TEP1: variants seen among roughly 807,000 people sequenced by gnomAD.
The protein encoded by TEP1 is telomerase associated protein 1.
In TEP1, 241 loss-of-function variants were observed where a neutral mutation model predicts 306.3. That is an observed-to-expected ratio of 0.79 (90% CI 0.71 to 0.88). The LOEUF (loss-of-function observed/expected upper bound fraction) is 0.88, where lower values mean the gene tolerates loss of function less well. Among genes scored for constraint, TEP1 ranks in the 40% least tolerant of loss-of-function variants. The pLI is 0.00. For missense variants in TEP1, 3,051 were observed against 3,276.1 expected, an observed-to-expected ratio of 0.93 and a Z score of 1.68; for synonymous variants, 1,289 against 1,305.5, an observed-to-expected ratio of 0.99 and a Z score of 0.27.
chr14:20,401,174 C>A, intron 8 of TEP1, 33 bp from the exon 9 acceptor site: 1 of 1,608,932 alleles, frequency 6.2e-7, no homozygotes, highest in Non-Finnish European at 8.5e-7. Context: ...TCTATCATTT[C>A]AGAGTCAGCA....
In TEP1 at chr14:20,383,160, G is replaced by A; in HGVS notation, c.4047+14C>T. 2 of 1,578,604 alleles carry A rather than the reference G, an allele frequency of 1.3e-6. No homozygotes were observed. The highest frequency in any genetic ancestry group is 2.4e-5 in the South Asian group (2 of 84,858). On this transcript the variant is annotated intron_variant, in intron 27 of 54. Coordinates refer to ENST00000262715, the MANE Select transcript of TEP1 (RefSeq NM_007110.5). ...TCACCCCACACACCCACCGGCCCCG[G>A]CCTAGAACCCAACCTGGTTGTTAAA...
intron 1 of TEP1, among the ~76,000 whole-genome samples, chr14:20,409,446 C>T (rs546408828): frequency 1.2e-3 from 179 of 152,286 alleles, no homozygotes; most frequent in Non-Finnish European, 2.2e-3. Flanking sequence ...TATTCCTGGA[C>T]CTAGATCTCC....
In TEP1 at chr14:20,409,814, A is replaced by G. The variant is rs1009175006; in HGVS notation, c.-24-1351T>C. Among the ~76,000 whole-genome samples, 4 of 151,956 alleles carry G rather than the reference A, an allele frequency of 2.6e-5. No homozygotes were observed. In the East Asian group the frequency reaches 7.7e-4, roughly 29 times the overall value. ...GGCGGGCGGATCACAAGGTCAGGAG[A>G]TCGAGACCATCCTGGCTAACACAGT... On this transcript the variant is annotated intron_variant, in intron 1 of 54. Transcript: ENST00000262715.
intron 9 of TEP1, among the ~76,000 whole-genome samples, chr14:20,398,178 G>A (rs1210411499): frequency 6.6e-6 from 1 of 151,902 alleles, no homozygotes; most frequent in Admixed American, 6.6e-5. Context: ...AGGAGATCAA[G>A]ACCATCCTCG....
intron 10 of TEP1, 93 bp from the exon 11 acceptor site, chr14:20,396,042 A>C: frequency 1.2e-6 from 1 of 831,188 alleles, no homozygotes; most frequent in Non-Finnish European, 1.9e-6. Flanking sequence ...GGGAAGGTAC[A>C]GAAGGACAAA....
chr14:20,380,010 C>A lies in TEP1; in HGVS notation c.5047G>T (p.Ala1683Ser), dbSNP rs780285369. 3 of 1,614,056 alleles carry A rather than the reference C, an allele frequency of 1.9e-6. No individual in the cohort carries two copies. Among genetic ancestry groups the A allele is most frequent in the Non-Finnish European group, 2.5e-6 (3 of 1,180,016 alleles). ...LAVSSSPTAV[A>S]FSTNGQRAAV... is the part of the protein sequence containing the mutation. The stretch of plus-strand genomic sequence containing the variant: ...GCTCTTTGCCCATTGGTGGAGAAGG[C>A]CACAGCAGTAGGGGATGAGGAAACT... The change falls in exon 35 of 55, where the codon GCC becomes TCC. Residue 1683 changes from alanine (A) to serine (S), a missense_variant. By Grantham distance (99) the Ala-to-Ser change is moderately conservative. Coordinates refer to ENST00000262715, the MANE Select transcript of TEP1 (RefSeq NM_007110.5).
At position 20,401,072 on chromosome 14, in the gene TEP1, C is replaced by T; in HGVS notation, c.1461G>A (p.Gly487=). Residue 487 remains glycine (G), a synonymous_variant, in exon 9 of 55, where the codon GGG becomes GGA. Transcript: ENST00000262715. ...LPGPWDSSRA[G]KRMKLSRPET... is the part of the protein sequence containing the mutation. ...CTGGCCTAGACAGCTTCATCCTCTT[C>T]CCAGCTCTGCTAGAATCCCAAGGCC... The T allele has an allele frequency of 6.2e-7, 1 of 1,614,228 alleles. No individual in the cohort carries two copies.
At chr14:20,389,571 T>C (rs1453959890) in intron 16 of TEP1, 39 bp downstream of exon 16, 1 of 1,608,984 alleles carries the variant, frequency 6.2e-7, no homozygotes, top group South Asian at 1.1e-5. Flanking sequence ...TGTAGACCAC[T>C]GATTTCTGAC....
At chr14:20,409,837 AG>A in intron 1 of TEP1, among the ~76,000 whole-genome samples, 1 of 151,920 alleles carries the variant, frequency 6.6e-6, no homozygotes, top group East Asian at 1.9e-4. Flanking sequence ...TGGCTAACAC[AG>A]TGAAACCCCA....
intron 5 of TEP1, among the ~76,000 whole-genome samples, chr14:20,404,396 AT>A (rs11385254): frequency 6.8e-6 from 1 of 147,628 alleles, no homozygotes; most frequent in East Asian, 2.0e-4. Flanking sequence ...GAATAAGACC[AT>A]TTTTTTTTCT....
chr14:20,372,789 C>CT lies in TEP1; in HGVS notation c.7019dup (p.Lys2341GlufsTer41). On this transcript the variant is annotated frameshift_variant, in exon 49 of 55. Coordinates refer to ENST00000262715, the MANE Select transcript of TEP1 (RefSeq NM_007110.5). LOFTEE classifies it high-confidence loss of function. ...GTTTCACTTGCCACTCGCTGATTTT[C>CT]TCATCAGCACTGAGGACAAAAAAGG... 1.9e-6 allele frequency: 3 copies of CT among 1,614,164 alleles called. No individual in the cohort carries two copies. The African/African-American group carries it at 4.0e-5, about 22-fold the overall frequency.
intron 33 of TEP1, 141 bp downstream of exon 33, chr14:20,380,790 T>C: frequency 4.0e-6 from 3 of 752,196 alleles, no homozygotes; most frequent in Non-Finnish European, 6.5e-6. Flanking sequence ...CTCACCCTCT[T>C]GGCATTTTCA....
chr14:20,390,044 C>G (rs113888026), intron 15 of TEP1, among the ~76,000 whole-genome samples: 3 of 152,066 alleles, frequency 2.0e-5, no homozygotes, highest in African/African-American at 7.2e-5. Flanking sequence ...AAATTGTATA[C>G]ATTTAAAAAA....
chr14:20,410,431 CT>C (rs988405059), intron 1 of TEP1, among the ~76,000 whole-genome samples: 2 of 150,514 alleles, frequency 1.3e-5, no homozygotes, highest in Admixed American at 6.6e-5. Flanking sequence ...AGTGAGACTC[CT>C]TTTTTTTTGA....
rs1387944935 is a variant in TEP1 at position 20,401,496 on chromosome 14, T to G, written c.1352A>C (p.His451Pro). 2.5e-6 allele frequency: 4 copies of G among 1,614,168 alleles called. No individual in the cohort carries two copies. The highest frequency in any genetic ancestry group is 2.5e-6 in the Non-Finnish European group (3 of 1,180,036). ...LKKLVQRLHI[H>P]KPAQHVQALL... The stretch of plus-strand genomic sequence containing the variant: ...GGCTTGAACGTGCTGGGCAGGCTTG[T>G]GGATGTGCAGTCGCTGAACCAGCTT... The change falls in exon 8 of 55, where the codon CAC becomes CCC. Residue 451 changes from histidine to proline, a missense_variant. Around this residue, in one of 3 missense-constraint regions of TEP1, gnomAD observed 1,507 missense variants for 1,550.5 expected, o/e 0.97. Transcript: ENST00000262715.
intron 37 of TEP1, 68 bp downstream of exon 37, chr14:20,378,686 G>A: frequency 1.3e-6 from 2 of 1,589,590 alleles, no homozygotes; most frequent in East Asian, 2.2e-5. Context: ...GCCGCACTGA[G>A]AGAACAAATT....
chr14:20,371,285 A>C lies in TEP1; in HGVS notation c.7250T>G (p.Leu2417Trp). The change falls in exon 51 of 55, where the codon TTG becomes TGG. Residue 2417 changes from leucine to tryptophan, a missense_variant. Physicochemically the swap from Leu to Trp is moderately conservative, Grantham distance 61. Transcript: ENST00000262715. ...WSSYTENPMI[L>W]STHKEYGIFV... ...TATGCCATACTCCTTGTGGGTGGAC[A>C]ATATCATAGGATTTTCTGTATAGCT... The C allele has an allele frequency of 6.2e-7, 1 of 1,614,190 alleles. No individual in the cohort carries two copies. The highest frequency in any genetic ancestry group is 8.5e-7 in the Non-Finnish European group (1 of 1,180,028).
chr14:20,388,183 C>T (rs1244593887), intron 17 of TEP1, 120 bp from the exon 18 acceptor site: 2 of 1,050,438 alleles, frequency 1.9e-6, no homozygotes, highest in Admixed American at 2.5e-5. Flanking sequence ...AAGTCAAGCT[C>T]CTTAAGAAGA....
rs544464079 is a variant in TEP1 at position 20,382,177 on chromosome 14, C to T, written c.4273+47G>A. ...AGACCCCAAGGGAACCAATGTAATC[C>T]GAACCCTGGCCCTCAGCCTCCCAAC... is the stretch of plus-strand genomic sequence containing the variant. On this transcript the variant is annotated intron_variant, in intron 29 of 54. Transcript: ENST00000262715. 1.6e-5 allele frequency: 26 copies of T among 1,613,482 alleles called. No homozygotes were observed. The East Asian group carries it at 1.8e-4, about 11-fold the overall frequency.
Sources: gnomAD v4.1 joint callset for allele counts (sites outside exome capture counted in the v4.1 genomes callset) on GRCh38, gnomAD v4.1.1 for gene constraint, gnomAD v4.1.1 regional missense constraint, MANE v1.5 for transcripts, NCBI Gene and HGNC (gene_info 2026-07-23, HGNC 2026-07-21) for gene names.